The following PARD3B variants were observed in gnomAD, a reference collection of about 807,000 sequenced individuals.
PARD3B encodes par-3 family cell polarity regulator beta.
In PARD3B, 103 loss-of-function variants were observed where a neutral mutation model predicts 130.2. The observed-to-expected ratio is 0.79, with a 90% CI of 0.67 to 0.93. The LOEUF (loss-of-function observed/expected upper bound fraction) is 0.93. Ranked by LOEUF, PARD3B falls within the 40% of genes least tolerant of loss-of-function variation. The pLI, the probability that PARD3B is intolerant of heterozygous loss-of-function variation, is 0.00. For missense variants in PARD3B, 1,609 were observed against 1,499.2 expected (o/e 1.07, Z -1.21); for synonymous variants, 583 against 553.2 (o/e 1.05, Z -0.76).
intron 4 of PARD3B, among the ~76,000 whole-genome samples, chr2:205,092,385 G>A (rs1702160104): frequency 1.3e-5 from 2 of 152,154 alleles, no homozygotes; most frequent in Non-Finnish European, 2.9e-5. Flanking sequence ...TGCCGAGGAA[G>A]TGGTTTCTTT....
At chr2:205,299,280 T>C (rs1207429) in intron 16 of PARD3B, among the ~76,000 whole-genome samples, 131,432 of 152,166 alleles carry the variant, frequency 0.86, 57,093 homozygotes, top group South Asian at 0.91. Flanking sequence ...GCAAAAATAG[T>C]GATGATAGTA....
intron 1 of PARD3B, among the ~76,000 whole-genome samples, chr2:204,584,979 A>G (rs2032753419): frequency 6.6e-6 from 1 of 152,196 alleles, no homozygotes; most frequent in South Asian, 2.1e-4. Context: ...AAATGATGGG[A>G]GCAGGTGGTG....
intron 21 of PARD3B, among the ~76,000 whole-genome samples, chr2:205,546,841 G>A (rs1456876955): frequency 6.6e-6 from 1 of 151,994 alleles, no homozygotes; most frequent in Non-Finnish European, 1.5e-5. Flanking sequence ...CATATAATGG[G>A]ATATTATATA....
At chr2:205,140,269 TA>T (rs2032839838) in intron 10 of PARD3B, among the ~76,000 whole-genome samples, 1 of 152,204 alleles carries the variant, frequency 6.6e-6, no homozygotes, top group Non-Finnish European at 1.5e-5. Flanking sequence ...TAAGGATGTA[TA>T]AGGCCATTCT....
intron 1 of PARD3B, among the ~76,000 whole-genome samples, chr2:204,632,868 A>G (rs1403191434): frequency 6.6e-6 from 1 of 152,078 alleles, no homozygotes; most frequent in Non-Finnish European, 1.5e-5. Flanking sequence ...AAGTTCCTGG[A>G]TATTTCAGTA....
chr2:204,648,587 T>C (rs2035355090), intron 1 of PARD3B, among the ~76,000 whole-genome samples: 1 of 128,930 alleles, frequency 7.8e-6, no homozygotes. Context: ...TTATATATTA[T>C]ATTATATATA....
At chr2:205,072,255 T>C (rs200734709) in intron 4 of PARD3B, among the ~76,000 whole-genome samples, 1 of 134,518 alleles carries the variant, frequency 7.4e-6, no homozygotes, top group Non-Finnish European at 1.6e-5. Flanking sequence ...TTTTTTTTTT[T>C]CTTCTTTGAG....
In PARD3B at chr2:205,288,401, G is replaced by C. The variant is rs922168360; in HGVS notation, c.2186-12129G>C. Reference sequence around the variant, plus strand: ...AATTGTAAAAAGAAAGGAAGAGCAAGAGATTTTATTAGCAATGAGTTCCAT... The same window carrying C: ...AATTGTAAAAAGAAAGGAAGAGCAACAGATTTTATTAGCAATGAGTTCCAT... On this transcript the variant is annotated intron_variant, in intron 16 of 22. Coordinates refer to ENST00000406610, the MANE Select transcript of PARD3B (RefSeq NM_001302769.2). This position sits in a 1 kb window ranked among gnomAD's most constrained non-coding sequence, Gnocchi z 4.0. Among the ~76,000 whole-genome samples the C allele has an allele frequency of 6.6e-6, 1 of 152,132 alleles. No individual in the cohort carries two copies. Among genetic ancestry groups the C allele is most frequent in the Non-Finnish European group, 1.5e-5 (1 of 68,028 alleles).
chr2:205,081,847 T>C (rs1286890791), intron 4 of PARD3B, among the ~76,000 whole-genome samples: 3 of 152,240 alleles, frequency 2.0e-5, no homozygotes, highest in Non-Finnish European at 2.9e-5. Flanking sequence ...ACTTTCTTTA[T>C]TGAGTAATGT....
At chr2:205,481,461 G>A (rs1236000190) in intron 20 of PARD3B, among the ~76,000 whole-genome samples, 2 of 152,134 alleles carry the variant, frequency 1.3e-5, no homozygotes, top group African/African-American at 4.8e-5. Context: ...GTCAGGAGCG[G>A]AGAGACTAGC....
chr2:205,499,925 G>C lies in PARD3B; in HGVS notation c.3074G>C (p.Arg1025Pro). The change falls in exon 21 of 23, where the codon CGT becomes CCT. Residue 1025 changes from arginine to proline, a missense_variant. Physicochemically the swap from Arg to Pro is moderately radical, Grantham distance 103. Transcript: ENST00000406610. ...CGTCCTACGGGTGGAAGCACTGACC[G>C]TATCCAGAAGTTGCGGAAAGAGTAT... ...SGRPTGGSTD[R>P]IQKLRKEYYQ... 1 of 1,613,632 alleles carries C rather than the reference G, an allele frequency of 6.2e-7. No individual in the cohort carries two copies. Among genetic ancestry groups the C allele is most frequent in the Non-Finnish European group, 8.5e-7 (1 of 1,179,622 alleles).
intron 4 of PARD3B, among the ~76,000 whole-genome samples, chr2:205,062,454 A>C (rs1700118549): frequency 6.6e-6 from 1 of 151,964 alleles, no homozygotes; most frequent in African/African-American, 2.4e-5. Context: ...TCCCACCCAA[A>C]CCCAGAAAGA....
In PARD3B at chr2:205,229,086, G is replaced by C. The variant is rs1198591460; in HGVS notation, c.2141-16692G>C. 2.0e-5 allele frequency among the ~76,000 whole-genome samples: 3 copies of C among 152,184 alleles called. No homozygotes were observed. The highest frequency in any genetic ancestry group is 4.4e-5 in the Non-Finnish European group (3 of 68,034). ...TGTATCTGAAAGGTCACTTATGTCT[G>C]TCTCTCTGGGTTTGGGTCACTTGTG... is the stretch of plus-strand genomic sequence containing the variant. On this transcript the variant is annotated intron_variant, in intron 15 of 22. Coordinates refer to ENST00000406610, the MANE Select transcript of PARD3B (RefSeq NM_001302769.2). This position sits in a 1 kb window ranked among gnomAD's most constrained non-coding sequence, Gnocchi z 5.2.
intron 18 of PARD3B, among the ~76,000 whole-genome samples, chr2:205,391,199 G>A (rs573951513): frequency 1.7e-4 from 26 of 152,330 alleles, no homozygotes; most frequent in African/African-American, 4.8e-5. Context: ...CCTAGTTTTC[G>A]GGTTTCCGGG....
In PARD3B at chr2:205,570,188, C is replaced by T. The variant is rs572663229; in HGVS notation, c.3260+16785C>T. Among the ~76,000 whole-genome samples the T allele has an allele frequency of 2.0e-5, 3 of 152,204 alleles. No homozygotes were observed. The South Asian group carries it at 6.2e-4, about 32-fold the overall frequency. ...ATTGACAGTGATTAGTTTCAAGGGA[C>T]CCTCAAATTCTCTGAAGTTACATGC... is the stretch of plus-strand genomic sequence containing the variant. On this transcript the variant is annotated intron_variant, in intron 22 of 22. Coordinates refer to ENST00000406610, the MANE Select transcript of PARD3B (RefSeq NM_001302769.2).
At chr2:204,960,991 G>A (rs1444819982) in intron 2 of PARD3B, among the ~76,000 whole-genome samples, 2 of 152,170 alleles carry the variant, frequency 1.3e-5, no homozygotes, top group Non-Finnish European at 2.9e-5. Context: ...AGAGAGAACA[G>A]CAAGTGCAAA....
intron 4 of PARD3B, among the ~76,000 whole-genome samples, chr2:205,077,892 A>T (rs1011218198): frequency 6.6e-6 from 1 of 152,158 alleles, no homozygotes; most frequent in African/African-American, 2.4e-5. Flanking sequence ...GGCCATAGGA[A>T]TTTTTGTGTT....
At chr2:204,665,700 T>C (rs529597324) in intron 1 of PARD3B, among the ~76,000 whole-genome samples, 6 of 152,322 alleles carry the variant, frequency 3.9e-5, no homozygotes, top group Admixed American at 2.6e-4. Context: ...GATGACACAG[T>C]CTGTGACCTC....
chr2:205,380,934 G>GAAGATATATAATATATAAAT (rs2045381327), intron 18 of PARD3B, among the ~76,000 whole-genome samples: 1 of 81,434 alleles, frequency 1.2e-5, no homozygotes, highest in East Asian at 3.4e-4. Context: ...AATATATAAA[G>GAAGATATATAATATATAAAT]AATATATATA....
Sources: allele counts gnomAD v4.1 joint callset (sites outside exome capture counted in the v4.1 genomes callset), GRCh38; gene constraint gnomAD v4.1.1; non-coding constraint Gnocchi (gnomAD v3.1); transcripts MANE v1.5; gene names NCBI Gene and HGNC (gene_info 2026-07-23, HGNC 2026-07-21).